Variants in NR2F1-AS1 observed in about 807,000 individuals in gnomAD.
The protein encoded by NR2F1-AS1 is NR2F1 antisense RNA 1.
chr5:93,537,844 T>C (rs1751870301), intron 4 of NR2F1-AS1, among the ~76,000 whole-genome samples: 1 of 152,216 alleles, frequency 6.6e-6, no homozygotes, highest in African/African-American at 2.4e-5. Context: ...TCCTTCATTA[T>C]AAGGCATATA....
chr5:93,517,963 G>A (rs1178916915), intron 4 of NR2F1-AS1, among the ~76,000 whole-genome samples: 1 of 151,946 alleles, frequency 6.6e-6, no homozygotes, highest in Admixed American at 6.6e-5. Flanking sequence ...TTCATTATCT[G>A]GATTTCTTTT....
At chr5:93,540,367 T>C (rs1241247641) in intron 4 of NR2F1-AS1, among the ~76,000 whole-genome samples, 1 of 152,170 alleles carries the variant, frequency 6.6e-6, no homozygotes, top group Non-Finnish European at 1.5e-5. Flanking sequence ...TCCAAAAAGA[T>C]GTTTCTGGTT....
intron 4 of NR2F1-AS1, among the ~76,000 whole-genome samples, chr5:93,476,815 C>T (rs1309474874): frequency 6.6e-6 from 1 of 151,962 alleles, no homozygotes; most frequent in African/African-American, 2.4e-5. Flanking sequence ...TAACTATAAA[C>T]CACCTTTTTG....
intron 2 of NR2F1-AS1, among the ~76,000 whole-genome samples, chr5:93,556,755 T>C (rs916625377): frequency 3.3e-5 from 5 of 152,252 alleles, no homozygotes; most frequent in African/African-American, 1.2e-4. Context: ...CAAAGAACCA[T>C]GGAACAGATT....
chr5:93,500,798 C>T (rs570203487), intron 4 of NR2F1-AS1, among the ~76,000 whole-genome samples: 160 of 152,220 alleles, frequency 1.1e-3, no homozygotes, highest in African/African-American at 3.7e-3. Flanking sequence ...TGCCACCATG[C>T]CCAGCAAATT....
chr5:93,434,739 T>C (rs1269737674), intron 4 of NR2F1-AS1, among the ~76,000 whole-genome samples: 1 of 152,236 alleles, frequency 6.6e-6, no homozygotes, highest in African/African-American at 2.4e-5. Flanking sequence ...GAATCATCCT[T>C]TCATTGTCTT....
upstream of NR2F1-AS1, among the ~76,000 whole-genome samples, chr5:93,583,062 C>T (rs1431047816): frequency 6.6e-6 from 1 of 152,138 alleles, no homozygotes; most frequent in Non-Finnish European, 1.5e-5. Flanking sequence ...ATTCAGGGCT[C>T]TGACCAGTCA....
chr5:93,576,423 C>G (rs1427565966), intron 1 of NR2F1-AS1, among the ~76,000 whole-genome samples: 1 of 147,228 alleles, frequency 6.8e-6, no homozygotes, highest in African/African-American at 2.6e-5. Flanking sequence ...GTGTCCTATG[C>G]TTGTGCTTTT....
At chr5:93,476,000 A>G (rs944795347) in intron 4 of NR2F1-AS1, among the ~76,000 whole-genome samples, 12 of 152,164 alleles carry the variant, frequency 7.9e-5, no homozygotes, top group African/African-American at 2.9e-4. Flanking sequence ...AAAGTTAACA[A>G]TGCTATTTTT....
chr5:93,460,746 T>C (rs955685488), intron 4 of NR2F1-AS1, among the ~76,000 whole-genome samples: 9 of 152,092 alleles, frequency 5.9e-5, no homozygotes, highest in Non-Finnish European at 1.0e-4. Flanking sequence ...TCAACATCAC[T>C]GATCATTAGA....
In NR2F1-AS1 at chr5:93,557,803, C is replaced by T. The variant is rs562283520; in HGVS notation, n.414-2808G>A. Among the ~76,000 whole-genome samples, 10 of 152,284 alleles carry T rather than the reference C, an allele frequency of 6.6e-5. No individual in the cohort carries two copies. The East Asian group carries it at 1.9e-3, about 29-fold the overall frequency. Reference sequence around the variant, plus strand: ...TGTGGCATGCAATGCTGTTTGATAGCATTTTTACCCACAGTAGAGCTTCTT... The same window carrying T: ...TGTGGCATGCAATGCTGTTTGATAGTATTTTTACCCACAGTAGAGCTTCTT... On this transcript the variant is annotated intron_variant and non_coding_transcript_variant, in intron 2 of 5. Coordinates refer to ENST00000660523, the Ensembl canonical transcript of NR2F1-AS1.
intron 4 of NR2F1-AS1, among the ~76,000 whole-genome samples, chr5:93,439,977 G>A (rs1749528171): frequency 1.3e-5 from 2 of 152,104 alleles, no homozygotes. Flanking sequence ...TTTATCCCCA[G>A]TGGTAGCATC....
At chr5:93,575,181 A>C (rs770470828) in intron 1 of NR2F1-AS1, among the ~76,000 whole-genome samples, 3 of 152,268 alleles carry the variant, frequency 2.0e-5, no homozygotes, top group Non-Finnish European at 4.4e-5. Context: ...GGGAGCAATG[A>C]GAATTTTACT....
At chr5:93,477,146 A>G (rs1359227078) in intron 4 of NR2F1-AS1, among the ~76,000 whole-genome samples, 1 of 152,216 alleles carries the variant, frequency 6.6e-6, no homozygotes, top group Non-Finnish European at 1.5e-5. Flanking sequence ...GCACTAACAG[A>G]AGGCCCATGT....
At chr5:93,549,545 T>C (rs1007035042) in intron 4 of NR2F1-AS1, among the ~76,000 whole-genome samples, 3 of 152,134 alleles carry the variant, frequency 2.0e-5, no homozygotes, top group Admixed American at 2.0e-4. Context: ...ACAGAATTAC[T>C]TTCTCATATA....
intron 4 of NR2F1-AS1, among the ~76,000 whole-genome samples, chr5:93,514,551 C>A (rs1056012796): frequency 6.6e-6 from 1 of 152,006 alleles, no homozygotes; most frequent in Admixed American, 6.6e-5. Context: ...AGTATGTAAG[C>A]GCTGACATTA....
At chr5:93,459,891 C>T (rs1750052282) in intron 4 of NR2F1-AS1, among the ~76,000 whole-genome samples, 1 of 152,128 alleles carries the variant, frequency 6.6e-6, no homozygotes, top group South Asian at 2.1e-4. Flanking sequence ...GGAAACCCTA[C>T]AAGGAGCCAC....
At chr5:93,492,499 C>A (rs1750872476) in intron 4 of NR2F1-AS1, among the ~76,000 whole-genome samples, 1 of 152,164 alleles carries the variant, frequency 6.6e-6, no homozygotes, top group Admixed American at 6.5e-5. Context: ...CCTTCTCAAA[C>A]TTTTCCAATA....
intron 3 of NR2F1-AS1, among the ~76,000 whole-genome samples, chr5:93,554,628 T>C (rs1011399810): frequency 5.3e-5 from 8 of 152,166 alleles, no homozygotes; most frequent in African/African-American, 1.9e-4. Flanking sequence ...TAAAACTAGA[T>C]ATAAGTAAAA....
Sources: allele counts gnomAD v4.1 joint callset (sites outside exome capture counted in the v4.1 genomes callset), GRCh38; gene constraint gnomAD v4.1.1; transcripts MANE v1.5; gene names NCBI Gene and HGNC (gene_info 2026-07-23, HGNC 2026-07-21).